The following PDLIM5 variants were observed in gnomAD, a reference collection of about 807,000 sequenced individuals.
The protein encoded by PDLIM5 is PDZ and LIM domain protein 5.
PDLIM5 carries 34 observed loss-of-function variants against 64.2 expected under a neutral mutation model. That is an observed-to-expected ratio of 0.53 (90% CI 0.40 to 0.71). PDLIM5 has a LOEUF of 0.71. PDLIM5 is among the 30% of genes least tolerant of loss of function. The pLI is 0.00. For synonymous variants in PDLIM5, 253 were observed against 269.1 expected, an observed-to-expected ratio of 0.94 and a Z score of 0.59; for missense variants, 683 against 733.6, an observed-to-expected ratio of 0.93 and a Z score of 0.80.
intron 7 of PDLIM5, among the ~76,000 whole-genome samples, chr4:94,607,484 A>C (rs771690976): frequency 1.3e-5 from 2 of 152,226 alleles, no homozygotes; most frequent in Non-Finnish European, 2.9e-5. Flanking sequence ...CTACGATTGC[A>C]TGCCACCATC....
intron 3 of PDLIM5, among the ~76,000 whole-genome samples, chr4:94,526,638 T>C (rs1236287392): frequency 6.6e-6 from 1 of 152,228 alleles, no homozygotes; most frequent in African/African-American, 2.4e-5. Context: ...TGAAGAGTTA[T>C]CTTTGATTCT....
At chr4:94,555,024 T>C (rs1350213302) in intron 3 of PDLIM5, among the ~76,000 whole-genome samples, 1 of 123,642 alleles carries the variant, frequency 8.1e-6, no homozygotes, top group Non-Finnish European at 1.9e-5. Flanking sequence ...TAAGCTAAGC[T>C]TTGATGTTTG....
chr4:94,613,562 T>C (rs567115574), intron 7 of PDLIM5, among the ~76,000 whole-genome samples: 35 of 152,294 alleles, frequency 2.3e-4, no homozygotes, highest in East Asian at 1.4e-3. Flanking sequence ...TTTCAGTTTT[T>C]GAAAAAATGA....
chr4:94,646,336 A>G (rs1015358489), intron 9 of PDLIM5, among the ~76,000 whole-genome samples: 10 of 152,188 alleles, frequency 6.6e-5, no homozygotes, highest in Non-Finnish European at 1.0e-4. Flanking sequence ...TGAGACACTG[A>G]CACATATTGA....
chr4:94,530,510 AATATATATATAT>A (rs36209951), intron 3 of PDLIM5, among the ~76,000 whole-genome samples: 2,505 of 140,548 alleles, frequency 0.018, 73 homozygotes, highest in East Asian at 0.045. Flanking sequence ...GGAATCACAG[AATATATATATAT>A]ATATATATAT....
intron 3 of PDLIM5, among the ~76,000 whole-genome samples, chr4:94,527,254 A>T (rs1250308914): frequency 6.7e-6 from 1 of 150,046 alleles, no homozygotes; most frequent in Non-Finnish European, 1.5e-5. Flanking sequence ...ACAGGGTTTC[A>T]CCATGTTGGC....
chr4:94,556,224 A>G (rs1245815877), intron 3 of PDLIM5, among the ~76,000 whole-genome samples: 1 of 152,164 alleles, frequency 6.6e-6, no homozygotes, highest in African/African-American at 2.4e-5. Flanking sequence ...GTCCCTACAA[A>G]GGACATGAGC....
intron 2 of PDLIM5, chr4:94,456,077 C>A: frequency 9.5e-7 from 1 of 1,051,396 alleles, no homozygotes; most frequent in Non-Finnish European, 1.3e-6. Flanking sequence ...ATGTCAGGTA[C>A]TGTTTCACTT....
chr4:94,512,260 C>A (rs1054623012), intron 2 of PDLIM5, among the ~76,000 whole-genome samples: 1 of 152,024 alleles, frequency 6.6e-6, no homozygotes, highest in Admixed American at 6.6e-5. Flanking sequence ...ACCTCATGAT[C>A]CGCCCGCCTC....
chr4:94,490,083 T>C (rs911953000), intron 2 of PDLIM5, among the ~76,000 whole-genome samples: 16 of 151,956 alleles, frequency 1.1e-4, no homozygotes, highest in Admixed American at 2.6e-4. Context: ...TTTTGCCTAA[T>C]ATATATTTTT....
intron 2 of PDLIM5, among the ~76,000 whole-genome samples, chr4:94,465,992 T>C (rs1365661938): frequency 1.3e-5 from 2 of 151,948 alleles, no homozygotes; most frequent in African/African-American, 4.8e-5. Flanking sequence ...GACAGGGTCT[T>C]GCTCTGTGGC....
At position 94,614,809 on chromosome 4, in the gene PDLIM5, T is replaced by C. The variant is rs28707612; in HGVS notation, c.921-3195T>C. ...ATTGAAATTTCTTTAGCTTATATGA[T>C]ACTTATTCTGTGGGAACTTTAAGAA... On this transcript the variant is annotated intron_variant, in intron 7 of 12. Transcript: ENST00000317968. Among the ~76,000 whole-genome samples the C allele has an allele frequency of 4.4e-3, 669 of 152,320 alleles. 12 individuals are homozygous for C. Among genetic ancestry groups the C allele is most frequent in the African/African-American group, 0.015 (640 of 41,562 alleles).
At chr4:94,610,261 A>AGC (rs1560738583) in intron 7 of PDLIM5, 1 of 1,522,442 alleles carries the variant, frequency 6.6e-7, no homozygotes, top group Admixed American at 2.0e-5. Flanking sequence ...AGTTCTGAGC[A>AGC]GCGCAGCTGC....
At chr4:94,652,337 A>G (rs1181559621) in intron 9 of PDLIM5, among the ~76,000 whole-genome samples, 4 of 152,320 alleles carry the variant, frequency 2.6e-5, no homozygotes, top group Admixed American at 2.6e-4. Context: ...GTGCAGCCAG[A>G]GAGTAGCATG....
chr4:94,612,623 A>G (rs1401947615), intron 7 of PDLIM5, among the ~76,000 whole-genome samples: 1 of 152,212 alleles, frequency 6.6e-6, no homozygotes, highest in Admixed American at 6.5e-5. Flanking sequence ...ATTAGTAGTC[A>G]TCACCATTGC....
intron 3 of PDLIM5, among the ~76,000 whole-genome samples, chr4:94,533,607 T>C (rs1731077178): frequency 6.6e-6 from 1 of 152,220 alleles, no homozygotes; most frequent in Non-Finnish European, 1.5e-5. Context: ...AGGCAGGTTA[T>C]GTAACTGAGT....
At chr4:94,470,910 G>A (rs1290539402) in intron 2 of PDLIM5, among the ~76,000 whole-genome samples, 1 of 152,136 alleles carries the variant, frequency 6.6e-6, no homozygotes, top group African/African-American at 2.4e-5. Flanking sequence ...CCACATGGCT[G>A]GGGAGGCCTC....
intron 8 of PDLIM5, among the ~76,000 whole-genome samples, chr4:94,618,960 A>T (rs1408556844): frequency 6.6e-6 from 1 of 152,044 alleles, no homozygotes; most frequent in African/African-American, 2.4e-5. Flanking sequence ...TCCCTGGGTG[A>T]TCTCTCATCC....
At chr4:94,657,176 T>C (rs2110495431) in intron 10 of PDLIM5, among the ~76,000 whole-genome samples, 1 of 152,292 alleles carries the variant, frequency 6.6e-6, no homozygotes, top group Non-Finnish European at 1.5e-5. Flanking sequence ...AATAACATAG[T>C]GATCATTCTT....
Sources: gnomAD v4.1 joint callset for allele counts (sites outside exome capture counted in the v4.1 genomes callset) on GRCh38, gnomAD v4.1.1 for gene constraint, MANE v1.5 for transcripts, NCBI Gene and HGNC (gene_info 2026-07-23, HGNC 2026-07-21) for gene names.